Variants in NAV2 observed in about 807,000 individuals in gnomAD.
NAV2 encodes helicase, APC down-regulated 1.
A neutral mutation model predicts 223.2 loss-of-function variants in NAV2; 54 were observed. The observed-to-expected ratio is 0.24, with a 90% confidence interval of 0.19 to 0.30. NAV2 has a LOEUF of 0.30. Among genes scored for constraint, NAV2 ranks in the 10% least tolerant of loss-of-function variants. The pLI, the probability that NAV2 is intolerant of heterozygous loss-of-function variation, is 1.00. For missense variants in NAV2, 2,806 were observed against 3,147.5 expected (o/e 0.89, Z 2.60); for synonymous variants, 1,279 against 1,239.3 (o/e 1.03, Z -0.67).
chr11:19,589,052 C>T lies in NAV2; in HGVS notation c.75+238025C>T, dbSNP rs183340922. 3.8e-3 allele frequency among the ~76,000 whole-genome samples: 582 copies of T among 152,350 alleles called. 7 individuals are homozygous for T. The highest frequency in any genetic ancestry group is 0.013 in the African/African-American group (544 of 41,576). ...TGACTCACCATACCTGGTCCTTCCT[C>T]TGTGCCTCCTCTGTGCTGGTTCCTG... On this transcript the variant is annotated intron_variant, in intron 1 of 37. Coordinates refer to the NAV2 transcript ENST00000360655.
intron 1 of NAV2, among the ~76,000 whole-genome samples, chr11:19,388,388 C>CA (rs1246094821): frequency 3.3e-5 from 5 of 152,212 alleles, no homozygotes; most frequent in Non-Finnish European, 5.9e-5. Flanking sequence ...CCTGCTTCCT[C>CA]ACAGTGGAGC....
chr11:19,860,328 G>C (rs2061680081), intron 3 of NAV2, among the ~76,000 whole-genome samples: 1 of 140,904 alleles, frequency 7.1e-6, no homozygotes, highest in Non-Finnish European at 1.5e-5. Flanking sequence ...GCGGTTGCCA[G>C]GCAGAGGGTC....
Position 19,429,431 on chromosome 11 carries a change from G to C in NAV2, c.75+78404G>C, listed in dbSNP as rs141477555. On this transcript the variant is annotated intron_variant, in intron 1 of 37. Transcript: ENST00000360655. ...ACTGGCCTGGGGGTCAGGAGATTTT[G>C]GTCTCAATGTTGATTCTGCCAGTTA... Among the ~76,000 whole-genome samples the C allele has an allele frequency of 2.6e-4, 40 of 152,306 alleles. No homozygotes were observed. In the East Asian group the frequency reaches 7.5e-3, roughly 29 times the overall value.
intron 1 of NAV2, among the ~76,000 whole-genome samples, chr11:19,384,353 A>AT (rs1423443156): frequency 2.0e-5 from 3 of 152,192 alleles, no homozygotes; most frequent in Non-Finnish European, 4.4e-5. Flanking sequence ...ATAAAAAGTT[A>AT]TTTTTTGGCC....
rs151296541 is a variant in NAV2, at chr11:19,373,262, C to A, written c.75+22235C>A. 3.0e-3 allele frequency among the ~76,000 whole-genome samples: 456 copies of A among 152,230 alleles called. 3 individuals carry two copies. The highest frequency in any genetic ancestry group is 9.0e-3 in the African/African-American group (373 of 41,530). ...ACCTTTCACCTCTAGGCTGATAACT[C>A]CCCAATTTATGACTCCAGATCCAGC... On this transcript the variant is annotated intron_variant, in intron 1 of 37. Transcript: ENST00000360655.
At chr11:19,346,147 C>T (rs182383517), upstream of NAV2, among the ~76,000 whole-genome samples, 1 of 152,188 alleles carries the variant, frequency 6.6e-6, no homozygotes, top group East Asian at 1.9e-4. Flanking sequence ...TACCTGTCTG[C>T]GCGGGTCCCT....
intron 35 of NAV2, among the ~76,000 whole-genome samples, chr11:20,106,114 T>G (rs1442732252): frequency 7.0e-6 from 1 of 143,786 alleles, no homozygotes; most frequent in East Asian, 2.0e-4. Flanking sequence ...TAATTTTAAT[T>G]TGAGCTTAGT....
intron 5 of NAV2, among the ~76,000 whole-genome samples, chr11:19,885,969 T>C (rs2040932259): frequency 6.6e-6 from 1 of 152,158 alleles, no homozygotes; most frequent in South Asian, 2.1e-4. Context: ...AGATGCACTT[T>C]GAAAATGTTC....
chr11:20,026,465 C>T (rs1258403143), intron 11 of NAV2, among the ~76,000 whole-genome samples: 1 of 152,056 alleles, frequency 6.6e-6, no homozygotes, highest in Non-Finnish European at 1.5e-5. Context: ...TGCCTGCCAC[C>T]ATACCTGGCT....
Position 19,476,060 on chromosome 11 carries a change from C to T in NAV2, c.75+125033C>T, listed in dbSNP as rs1046689668. Among the ~76,000 whole-genome samples the T allele has an allele frequency of 1.1e-4, 17 of 152,262 alleles. No individual in the cohort carries two copies. The East Asian group carries it at 1.9e-3, about 17-fold the overall frequency. On this transcript the variant is annotated intron_variant, in intron 1 of 37. Coordinates refer to the NAV2 transcript ENST00000360655. ...CGGGATCTTGGCTCACTGTAACCTC[C>T]GCCTCCTGGGTTCAAGCAGTTCTCC...
chr11:20,092,543 C>T (rs1033488369), intron 28 of NAV2, among the ~76,000 whole-genome samples, 175 bp downstream of exon 28: 2 of 152,164 alleles, frequency 1.3e-5, no homozygotes, highest in Non-Finnish European at 2.9e-5. Context: ...TGAGCCCAGC[C>T]GTTAGACTGC....
chr11:20,090,143 C>T (rs1007669125), intron 26 of NAV2, among the ~76,000 whole-genome samples: 1 of 152,170 alleles, frequency 6.6e-6, no homozygotes, highest in African/African-American at 2.4e-5. Flanking sequence ...ACACCTTCCA[C>T]GCATATCTTT....
Position 19,889,530 on chromosome 11 carries a change from T to C in NAV2, c.771-2904T>C, listed in dbSNP as rs557386826. Among the ~76,000 whole-genome samples, 3 of 152,350 alleles carry C rather than the reference T, an allele frequency of 2.0e-5. No homozygotes were observed. In the East Asian group the frequency reaches 5.8e-4, roughly 29 times the overall value. On this transcript the variant is annotated intron_variant, in intron 5 of 37. Coordinates refer to ENST00000349880, the MANE Select transcript of NAV2 (RefSeq NM_145117.5). ...TTTTTGGTGGCTTTTGACGGCTATA[T>C]GCAAACCATTCGCCCTTTGCCATGT...
chr11:19,463,214 A>G (rs903926364), intron 1 of NAV2, among the ~76,000 whole-genome samples: 3 of 152,256 alleles, frequency 2.0e-5, no homozygotes, highest in African/African-American at 7.2e-5. Flanking sequence ...TTGGTATTTA[A>G]TGGGTCCTAA....
chr11:20,103,209 G>A (rs753434090), intron 32 of NAV2, 46 bp from the exon 33 acceptor site: 1 of 1,577,310 alleles, frequency 6.3e-7, no homozygotes, highest in South Asian at 1.2e-5. Context: ...TCTTCACTGA[G>A]TGCATTCACC....
chr11:19,713,576 G>T lies in NAV2; in HGVS notation c.-120G>T. 2 of 1,403,844 alleles carry T rather than the reference G, an allele frequency of 1.4e-6. No homozygotes were observed. The highest frequency in any genetic ancestry group is 1.9e-6 in the Non-Finnish European group (2 of 1,078,254). 87.0% of individuals were successfully genotyped at this position (1,403,844 alleles called of 1,614,324 possible). A position where few individuals can be genotyped will look rare whatever the true frequency, so the allele number is the denominator to read the frequency against. ...CCTGGGGATTTTTTTTTTAGCCGCT[G>T]GTGGTGGGCGCCTCGTGGGCTAAGG... On this transcript the variant is annotated 5_prime_UTR_variant, in exon 1 of 38. Transcript: ENST00000349880. This position sits in a 1 kb window ranked among gnomAD's most constrained non-coding sequence, Gnocchi z 7.2.
intron 10 of NAV2, among the ~76,000 whole-genome samples, chr11:19,981,684 G>A (rs955773369): frequency 6.6e-6 from 1 of 152,136 alleles, no homozygotes; most frequent in Non-Finnish European, 1.5e-5. Context: ...AAAGGACGTG[G>A]GGTCTAGAAA....
At chr11:19,693,561 G>C (rs567362673) in intron 1 of NAV2, among the ~76,000 whole-genome samples, 1 of 152,166 alleles carries the variant, frequency 6.6e-6, no homozygotes, top group East Asian at 1.9e-4. Flanking sequence ...CATTGCCCTT[G>C]GGGGAAATTG....
intron 1 of NAV2, among the ~76,000 whole-genome samples, chr11:19,418,431 C>T (rs1850470852): frequency 6.6e-6 from 1 of 152,166 alleles, no homozygotes; most frequent in Admixed American, 6.5e-5. Context: ...TGCCTTCTCA[C>T]CTTGGGCTTG....
Sources: gnomAD v4.1 joint callset for allele counts (sites outside exome capture counted in the v4.1 genomes callset) on GRCh38, gnomAD v4.1.1 for gene constraint, Gnocchi (gnomAD v3.1) non-coding constraint, MANE v1.5 for transcripts, NCBI Gene and HGNC (gene_info 2026-07-23, HGNC 2026-07-21) for gene names.